Variants in CEP128 observed in about 807,000 individuals in gnomAD.
The protein encoded by CEP128 is centrosomal protein 128kDa.
In CEP128, 132 loss-of-function variants were observed where a neutral mutation model predicts 156.7. The observed-to-expected ratio is 0.84, with a 90% CI of 0.73 to 0.97. The LOEUF (loss-of-function observed/expected upper bound fraction) is 0.97, where lower values mean the gene tolerates loss of function less well. Ranked by LOEUF, CEP128 falls within the 50% of genes least tolerant of loss-of-function variation. The pLI is 0.00. For synonymous variants in CEP128, 469 were observed against 448.9 expected, an observed-to-expected ratio of 1.04 and a Z score of -0.57; for missense variants, 1,252 against 1,281.9, an observed-to-expected ratio of 0.98 and a Z score of 0.36.
At chr14:80,707,900 C>T (rs1392331227) in intron 19 of CEP128, among the ~76,000 whole-genome samples, 1 of 152,124 alleles carries the variant, frequency 6.6e-6, no homozygotes, top group African/African-American at 2.4e-5. Flanking sequence ...TTCTGTTCAA[C>T]ATTAACTTTG....
At chr14:80,525,406 G>T (rs1313935509) in intron 23 of CEP128, among the ~76,000 whole-genome samples, 3 of 152,138 alleles carry the variant, frequency 2.0e-5, no homozygotes, top group African/African-American at 4.8e-5. Context: ...CTATCTGAGA[G>T]GATTTCTGTG....
At chr14:80,747,771 C>T (rs181253629) in intron 18 of CEP128, among the ~76,000 whole-genome samples, 5 of 152,286 alleles carry the variant, frequency 3.3e-5, no homozygotes, top group South Asian at 4.1e-4. Flanking sequence ...CACACCATTG[C>T]GCTCCAGCCT....
intron 19 of CEP128, among the ~76,000 whole-genome samples, chr14:80,716,717 C>T (rs559323772): frequency 3.9e-5 from 6 of 152,198 alleles, no homozygotes; most frequent in South Asian, 2.1e-4. Context: ...CATGCGTGTA[C>T]GGGTTTTTGC....
chr14:80,864,893 A>C (rs1247753851), intron 8 of CEP128, among the ~76,000 whole-genome samples: 1 of 152,200 alleles, frequency 6.6e-6, no homozygotes, highest in African/African-American at 2.4e-5. Context: ...TTTGAAACAT[A>C]ATTTCATGTA....
At chr14:80,588,222 G>T (rs1363564237) in intron 19 of CEP128, among the ~76,000 whole-genome samples, 3 of 152,010 alleles carry the variant, frequency 2.0e-5, no homozygotes, top group African/African-American at 7.2e-5. Context: ...CCTCAGAAGT[G>T]GAATAATGGT....
chr14:80,769,128 C>A (rs923794824), intron 16 of CEP128, among the ~76,000 whole-genome samples: 2 of 151,866 alleles, frequency 1.3e-5, no homozygotes, highest in African/African-American at 4.8e-5. Flanking sequence ...TCAAATTATG[C>A]ATTTGGAACG....
intron 21 of CEP128, among the ~76,000 whole-genome samples, chr14:80,540,758 C>A (rs1889718495): frequency 6.6e-6 from 1 of 152,114 alleles, no homozygotes; most frequent in Non-Finnish European, 1.5e-5. Context: ...GGGCATCTTA[C>A]TCCTAGGCTG....
intron 19 of CEP128, among the ~76,000 whole-genome samples, chr14:80,705,310 T>G (rs763577376): frequency 1.3e-5 from 2 of 152,026 alleles, no homozygotes; most frequent in Non-Finnish European, 2.9e-5. Flanking sequence ...GTTTTGTTTT[T>G]TTGTTTTTAG....
chr14:80,544,084 C>G (rs1889880223), intron 21 of CEP128, among the ~76,000 whole-genome samples: 1 of 152,168 alleles, frequency 6.6e-6, no homozygotes. Flanking sequence ...ATGTGCAAAT[C>G]AAATCTACGA....
chr14:80,926,578 C>T (rs993592023), intron 2 of CEP128, among the ~76,000 whole-genome samples: 1 of 152,206 alleles, frequency 6.6e-6, no homozygotes. Context: ...ACTCTGGTAG[C>T]CTAACACAAC....
intron 4 of CEP128, 56 bp from the exon 5 acceptor site, chr14:80,906,137 A>G: frequency 7.8e-7 from 1 of 1,288,898 alleles, no homozygotes; most frequent in East Asian, 2.8e-5. Context: ...ACTTCCAAAT[A>G]CAAATAGACC....
chr14:80,638,624 T>C (rs1894287777), intron 19 of CEP128, among the ~76,000 whole-genome samples: 1 of 152,230 alleles, frequency 6.6e-6, no homozygotes, highest in South Asian at 2.1e-4. Context: ...TTATTTTTTA[T>C]ATACGATGTC....
intron 19 of CEP128, among the ~76,000 whole-genome samples, chr14:80,704,141 T>C (rs1454163880): frequency 2.0e-5 from 3 of 152,034 alleles, no homozygotes; most frequent in African/African-American, 7.2e-5. Flanking sequence ...TACCACACAA[T>C]TAAATTTAGA....
chr14:80,937,214 G>A (rs577309105), intron 2 of CEP128, among the ~76,000 whole-genome samples: 125 of 151,418 alleles, frequency 8.3e-4, no homozygotes, highest in African/African-American at 2.9e-3. Flanking sequence ...CTAACTACTC[G>A]GGAGGCTGAT....
intron 21 of CEP128, among the ~76,000 whole-genome samples, chr14:80,533,986 A>G (rs1408601300): frequency 6.6e-6 from 1 of 152,222 alleles, no homozygotes; most frequent in Admixed American, 6.5e-5. Context: ...TACTTACTTT[A>G]AGGGAATTGC....
intron 19 of CEP128, among the ~76,000 whole-genome samples, chr14:80,728,247 T>A (rs1898094217): frequency 6.6e-6 from 1 of 152,172 alleles, no homozygotes; most frequent in Non-Finnish European, 1.5e-5. Context: ...TATCCTAAGA[T>A]AATTAATTCG....
intron 19 of CEP128, among the ~76,000 whole-genome samples, chr14:80,707,442 C>T (rs1595256673): frequency 1.3e-5 from 2 of 152,200 alleles, no homozygotes; most frequent in East Asian, 3.9e-4. Flanking sequence ...TCCAAGTTTA[C>T]CACGTAAATA....
chr14:80,806,954 T>C (rs964894006), intron 13 of CEP128, among the ~76,000 whole-genome samples: 1 of 142,840 alleles, frequency 7.0e-6, no homozygotes, highest in Non-Finnish European at 1.5e-5. Flanking sequence ...TACAGTAACT[T>C]TGTGCACTTG....
intron 19 of CEP128, among the ~76,000 whole-genome samples, chr14:80,680,572 C>T (rs1319335334): frequency 6.6e-6 from 1 of 152,128 alleles, no homozygotes; most frequent in East Asian, 1.9e-4. Flanking sequence ...CACCCATTCA[C>T]CAGGATTAGC....
Sources: gnomAD v4.1 joint callset for allele counts (sites outside exome capture counted in the v4.1 genomes callset) on GRCh38, gnomAD v4.1.1 for gene constraint, MANE v1.5 for transcripts, NCBI Gene and HGNC (gene_info 2026-07-23, HGNC 2026-07-21) for gene names.